The following MPPED1 variants were observed in gnomAD, a reference collection of about 807,000 sequenced individuals.
The protein encoded by MPPED1 is metallophosphoesterase domain-containing protein 1.
Under a neutral mutation model 36.2 loss-of-function variants are expected in MPPED1, and 16 were observed. The ratio of observed to expected loss-of-function variants is 0.44; its 90% confidence interval spans 0.30 to 0.67. The LOEUF (loss-of-function observed/expected upper bound fraction) is 0.67, where lower values mean the gene tolerates loss of function less well. Among genes scored for constraint, MPPED1 ranks in the 30% least tolerant of loss-of-function variants. MPPED1 has a pLI of 0.10. For missense variants in MPPED1, 307 were observed against 453.4 expected (o/e 0.68, Z 2.93); for synonymous variants, 199 against 191.3 (o/e 1.04, Z -0.33).
At chr22:43,443,269 C>T (rs545583379) in intron 3 of MPPED1, among the ~76,000 whole-genome samples, 3 of 152,192 alleles carry the variant, frequency 2.0e-5, no homozygotes, top group African/African-American at 7.2e-5. Context: ...CCAGCTGGGA[C>T]GAGGGCATGG....
chr22:43,436,791 G>C (rs576125152), intron 3 of MPPED1, among the ~76,000 whole-genome samples: 64 of 152,376 alleles, frequency 4.2e-4, no homozygotes, highest in African/African-American at 1.4e-3. Flanking sequence ...CAGGCACGGG[G>C]TGGCAGGCTC....
At chr22:43,497,774 T>C (rs1256374032) in intron 4 of MPPED1, among the ~76,000 whole-genome samples, 1 of 138,002 alleles carries the variant, frequency 7.2e-6, no homozygotes, top group African/African-American at 2.8e-5. Flanking sequence ...CTCTTTTGAC[T>C]GGGGGTCCAC....
rs1272715034 is a variant in MPPED1 at position 43,419,433 on chromosome 22, G to A, written c.-78-5475G>A. On this transcript the variant is annotated intron_variant, in intron 1 of 6. Coordinates refer to ENST00000443721, the MANE Select transcript of MPPED1 (RefSeq NM_001044370.2). ...ACGCAGGGGTGGGGTTGGGTGCAGG[G>A]CCTTCTGGACAGAGGGAATAGCATT... is the stretch of plus-strand genomic sequence containing the variant. 2.0e-5 allele frequency among the ~76,000 whole-genome samples: 3 copies of A among 152,240 alleles called. No individual in the cohort carries two copies. The South Asian group carries it at 6.2e-4, about 32-fold the overall frequency.
intron 4 of MPPED1, among the ~76,000 whole-genome samples, chr22:43,496,984 AGTGGTGGTGGAGGTG>A (rs1932422127): frequency 3.2e-4 from 4 of 12,444 alleles, no homozygotes; most frequent in East Asian, 2.3e-3. Flanking sequence ...TGGTGGAGGT[AGTGGTGGTGGAGGTG>A]GTGGTGGTGG....
At chr22:43,463,847 C>CTTTA (rs949789604) in intron 3 of MPPED1, among the ~76,000 whole-genome samples, 4 of 123,588 alleles carry the variant, frequency 3.2e-5, no homozygotes, top group African/African-American at 1.2e-4. Context: ...TTCTTTCTTT[C>CTTTA]TTTCTTTCTT....
In MPPED1 at chr22:43,412,108, C is replaced by T; in HGVS notation, c.-129C>T. On this transcript the variant is annotated 5_prime_UTR_variant, in exon 1 of 7. Transcript: ENST00000443721. ...CCGGGAGCCCCTGCCTCCCTCGGTG[C>T]GCGCTGCTGCTCGCAGCCGCCGCGG... 6.1e-6 allele frequency: 6 copies of T among 979,434 alleles called. No individual in the cohort carries two copies. The highest frequency in any genetic ancestry group is 5.2e-4 in the Middle Eastern group (1 of 1,908). 60.7% of individuals were successfully genotyped at this position (979,434 alleles called of 1,614,324 possible). A position where few individuals can be genotyped will look rare whatever the true frequency, so the allele number is the denominator to read the frequency against.
At chr22:43,449,470 A>G (rs1368120334) in intron 3 of MPPED1, among the ~76,000 whole-genome samples, 1 of 118,452 alleles carries the variant, frequency 8.4e-6, no homozygotes, top group Non-Finnish European at 1.6e-5. Flanking sequence ...GTTATTGGCT[A>G]AGTCAAGGAA....
At chr22:43,503,259 C>T (rs1932764728) in intron 6 of MPPED1, among the ~76,000 whole-genome samples, 1 of 152,224 alleles carries the variant, frequency 6.6e-6, no homozygotes, top group Non-Finnish European at 1.5e-5. Flanking sequence ...CATGGCCACG[C>T]CCTGGCCTGT....
chr22:43,475,502 GATCATCA>G (rs1931521891), intron 4 of MPPED1, among the ~76,000 whole-genome samples: 1 of 142,014 alleles, frequency 7.0e-6, no homozygotes, highest in Non-Finnish European at 1.5e-5. Flanking sequence ...TGGTGGTGAT[GATCATCA>G]TGATGATGGT....
At chr22:43,432,885 GAAAGGGAGGAGAGAGAGAGGGAA>G (rs1929804561) in intron 2 of MPPED1, among the ~76,000 whole-genome samples, 1 of 97,928 alleles carries the variant, frequency 1.0e-5, no homozygotes, top group African/African-American at 3.4e-5. Flanking sequence ...GAGGGAAAGA[GAAAGGGAGGAGAGAGAGAGGGAA>G]AGAGAAAGGG....
At chr22:43,441,142 T>C (rs1012853360) in intron 3 of MPPED1, among the ~76,000 whole-genome samples, 2 of 152,182 alleles carry the variant, frequency 1.3e-5, no homozygotes, top group African/African-American at 4.8e-5. Context: ...CTGCCAGGGT[T>C]TTAGACTAGT....
At chr22:43,416,180 A>G (rs1049617877) in intron 1 of MPPED1, among the ~76,000 whole-genome samples, 1 of 152,212 alleles carries the variant, frequency 6.6e-6, no homozygotes, top group African/African-American at 2.4e-5. Context: ...TTCCCTGCAC[A>G]ATGCAGTGGT....
At chr22:43,486,298 C>A (rs1051790301) in intron 4 of MPPED1, among the ~76,000 whole-genome samples, 4 of 152,064 alleles carry the variant, frequency 2.6e-5, no homozygotes, top group African/African-American at 9.7e-5. Context: ...TGACAGATGT[C>A]ATCTTCACCA....
chr22:43,416,891 G>T (rs1929094052), intron 1 of MPPED1: 2 of 709,782 alleles, frequency 2.8e-6, no homozygotes, highest in Non-Finnish European at 3.5e-6. Flanking sequence ...CTCGGGGCTC[G>T]TTCTGTGCAA....
At chr22:43,495,569 G>A (rs1254693322) in intron 4 of MPPED1, among the ~76,000 whole-genome samples, 2 of 112,810 alleles carry the variant, frequency 1.8e-5, no homozygotes, top group Non-Finnish European at 4.0e-5. Context: ...GGTGGTGGAG[G>A]TGATGGTGGA....
intron 3 of MPPED1, among the ~76,000 whole-genome samples, chr22:43,466,114 C>T (rs1373028015): frequency 6.6e-6 from 1 of 152,242 alleles, no homozygotes; most frequent in East Asian, 1.9e-4. Context: ...GTTTTTAAAA[C>T]ATTTCCCAGG....
At chr22:43,490,157 C>T (rs1466017186) in intron 4 of MPPED1, among the ~76,000 whole-genome samples, 2 of 152,214 alleles carry the variant, frequency 1.3e-5, no homozygotes, top group Non-Finnish European at 2.9e-5. Context: ...GCCCCCGGAC[C>T]CAATGTTGTG....
intron 2 of MPPED1, among the ~76,000 whole-genome samples, chr22:43,431,768 T>G (rs979595405): frequency 6.6e-6 from 1 of 152,368 alleles, no homozygotes; most frequent in South Asian, 2.1e-4. Context: ...TGCGTGGGGA[T>G]CATTGAAATC....
rs1929410926 is a variant in MPPED1 at position 43,424,981 on chromosome 22, G to T, written c.-5G>T. ...GGGAGATGCCGGGGCGGCCGGCGGAGGTCCATGTGGCGCTCTAGGTGGGAT... is the reference window on the plus strand; with the variant it reads ...GGGAGATGCCGGGGCGGCCGGCGGATGTCCATGTGGCGCTCTAGGTGGGAT... On this transcript the variant is annotated 5_prime_UTR_variant, in exon 2 of 7. In the 5' UTR this introduces an upstream ATG that the reference lacks. Coordinates refer to ENST00000443721, the MANE Select transcript of MPPED1 (RefSeq NM_001044370.2). The T allele has an allele frequency of 6.3e-7, 1 of 1,585,476 alleles. No individual in the cohort carries two copies. The highest frequency in any genetic ancestry group is 8.6e-7 in the Non-Finnish European group (1 of 1,167,330).
Sources: gnomAD v4.1 joint callset for allele counts (sites outside exome capture counted in the v4.1 genomes callset) on GRCh38, gnomAD v4.1.1 for gene constraint, MANE v1.5 for transcripts, NCBI Gene and HGNC (gene_info 2026-07-23, HGNC 2026-07-21) for gene names.